The following SSH3 variants were observed in gnomAD, a reference collection of about 807,000 sequenced individuals.
SSH3 encodes protein phosphatase Slingshot homolog 3.
Under a neutral mutation model 75.0 loss-of-function variants are expected in SSH3, and 67 were observed. That is an observed-to-expected ratio of 0.89 (90% CI 0.73 to 1.10). SSH3 has a LOEUF of 1.10. SSH3 is among the 50% of genes least tolerant of loss of function. SSH3 has a pLI of 0.00. For synonymous variants in SSH3, 318 were observed against 349.2 expected (o/e 0.91, Z 1.00); for missense variants, 824 against 872.7 (o/e 0.94, Z 0.70).
chr11:67,303,897 G>A, intron 1 of SSH3: 1 of 758,182 alleles, frequency 1.3e-6, no homozygotes, highest in Non-Finnish European at 2.0e-6. Context: ...GGCTGCGGAG[G>A]CCCCGATCTG....
At position 67,308,038 on chromosome 11, in the gene SSH3, C is replaced by T; in HGVS notation, c.885+99C>T. 1.3e-6 allele frequency: 2 copies of T among 1,595,548 alleles called. No individual in the cohort carries two copies. The highest frequency in any genetic ancestry group is 1.7e-6 in the Non-Finnish European group (2 of 1,169,876). On this transcript the variant is annotated intron_variant, in intron 8 of 13. Coordinates refer to ENST00000308127, the MANE Select transcript of SSH3 (RefSeq NM_017857.4). This position sits in a 1 kb window ranked among gnomAD's most constrained non-coding sequence, Gnocchi z 4.9. ...ACCTTGCCTGTCTCCAGTCCTGAGC[C>T]ATTCCTGGATGCCTTGGCCTTGGCC... is the stretch of plus-strand genomic sequence containing the variant.
chr11:67,306,269 A>G (rs1861239537), intron 3 of SSH3, among the ~76,000 whole-genome samples: 1 of 150,636 alleles, frequency 6.6e-6, no homozygotes, highest in Non-Finnish European at 1.5e-5. Flanking sequence ...AGCCTGGGTG[A>G]CAGAGCAAGA....
chr11:67,304,652 CGT>C (rs1861179970), intron 2 of SSH3, 119 bp from the exon 3 acceptor site: 1 of 1,000,168 alleles, frequency 1.0e-6, no homozygotes, highest in African/African-American at 1.6e-5. Flanking sequence ...CTATCGACCG[CGT>C]GGGGGCCCAT....
In SSH3 at chr11:67,308,354, G is replaced by C. The variant is rs781413581; in HGVS notation, c.1014+52G>C. 6.2e-7 allele frequency: 1 copy of C among 1,613,596 alleles called. No homozygotes were observed. The highest frequency in any genetic ancestry group is 2.2e-5 in the East Asian group (1 of 44,856). On this transcript the variant is annotated intron_variant, in intron 9 of 13. Transcript: ENST00000308127. This position sits in a 1 kb window ranked among gnomAD's most constrained non-coding sequence, Gnocchi z 4.9. ...GGGGACCGCTGGCAGCTGTGAGGGC[G>C]GCAGGCCAGGAGCAGAGGCTGGAGG...
Position 67,308,962 on chromosome 11 carries a change from C to T in SSH3, c.1062-435C>T, listed in dbSNP as rs1397745441. 6.6e-6 allele frequency among the ~76,000 whole-genome samples: 1 copy of T among 152,102 alleles called. No individual in the cohort carries two copies. Among genetic ancestry groups the T allele is most frequent in the Non-Finnish European group, 1.5e-5 (1 of 68,014 alleles). On this transcript the variant is annotated intron_variant, in intron 10 of 13. Transcript: ENST00000308127. This position sits in a 1 kb window ranked among gnomAD's most constrained non-coding sequence, Gnocchi z 4.9. ...AGAAAAAGCCTTTTCTCCACCTTGC[C>T]CTGTCTCAGGGAAGAAGGAACTGCC...
Position 67,303,533 on chromosome 11 carries a change from C to G in SSH3, c.-93C>G. On this transcript the variant is annotated 5_prime_UTR_variant, in exon 1 of 14. Coordinates refer to ENST00000308127, the MANE Select transcript of SSH3 (RefSeq NM_017857.4). ...GGTGCCAGGCCCGGGTGGCGCCGTC[C>G]GTCCTTCCTGGTCCTGCGGGTCCAG... 7.7e-7 allele frequency: 1 copy of G among 1,306,026 alleles called. No homozygotes were observed. The highest frequency in any genetic ancestry group is 1.0e-6 in the Non-Finnish European group (1 of 967,562). The allele number at this position is 1,306,026 out of a possible 1,614,324, so 80.9% of individuals were successfully genotyped here.
chr11:67,305,042 G>C, intron 3 of SSH3, 35 bp downstream of exon 3: 1 of 1,574,034 alleles, frequency 6.4e-7, no homozygotes, highest in Non-Finnish European at 8.6e-7. Context: ...GGGGTGGGGG[G>C]AAGAGACACG....
Position 67,306,903 on chromosome 11 carries a change from A to G in SSH3, c.405A>G (p.Glu135=), listed in dbSNP as rs767296774. 1.9e-6 allele frequency: 3 copies of G among 1,613,720 alleles called. No individual in the cohort carries two copies. The Admixed American group carries it at 5.0e-5, about 27-fold the overall frequency. ...ACCTGCTGGTAGTTTCTACACGAGAAGGAGAAGGTCTGAGCCAGGATGAGA... is the reference window on the plus strand; with the variant it reads ...ACCTGCTGGTAGTTTCTACACGAGAGGGAGAAGGTCTGAGCCAGGATGAGA... ...LRYLLVVSTR[E]GEGLSQDETV... The change falls in exon 4 of 14, where the codon GAA becomes GAG. Residue 135 remains glutamate, a synonymous_variant. Transcript: ENST00000308127.
In SSH3 at chr11:67,304,933, CAGAAGCAGGAGG is replaced by C. The variant is rs767972468; in HGVS notation, c.268_279del (p.Lys90_Glu93del). 6.2e-6 allele frequency: 10 copies of C among 1,613,720 alleles called. No individual in the cohort carries two copies. The highest frequency in any genetic ancestry group is 8.5e-6 in the Non-Finnish European group (10 of 1,179,994). ...CTTCGGGCAAGGATCCCAGAGTCCC[CAGAAGCAGGAGG>C]AGCAGAGGCAGCACCTGCACCTCAT... On this transcript the variant is annotated inframe_deletion, in exon 3 of 14. Coordinates refer to ENST00000308127, the MANE Select transcript of SSH3 (RefSeq NM_017857.4).
chr11:67,309,234 G>A (rs530503424), intron 10 of SSH3, 163 bp from the exon 11 acceptor site: 74 of 833,516 alleles, frequency 8.9e-5, no homozygotes, highest in Non-Finnish European at 1.1e-4. Context: ...GTCTAAGGTC[G>A]CAGCCAGGTG....
intron 3 of SSH3, among the ~76,000 whole-genome samples, chr11:67,306,096 TG>T (rs1162892855): frequency 6.7e-6 from 1 of 149,384 alleles, no homozygotes; most frequent in Non-Finnish European, 1.5e-5. Context: ...GAGACCATCC[TG>T]GCTAACACGG....
intron 10 of SSH3, 86 bp from the exon 11 acceptor site, chr11:67,309,311 G>A: frequency 6.4e-7 from 1 of 1,555,100 alleles, no homozygotes; most frequent in Non-Finnish European, 8.8e-7. Flanking sequence ...CAGAGCTAAA[G>A]CGAGGCCCAG....
rs371316469 is a variant in SSH3 at position 67,306,691 on chromosome 11, C to T, written c.340-147C>T. The T allele has an allele frequency of 1.4e-4, 137 of 976,852 alleles. No homozygotes were observed. The African/African-American group carries it at 1.9e-3, about 14-fold the overall frequency. 60.5% of individuals were successfully genotyped at this position (976,852 alleles called of 1,614,324 possible). A position where few individuals can be genotyped will look rare whatever the true frequency, so the allele number is the denominator to read the frequency against. On this transcript the variant is annotated intron_variant, in intron 3 of 13. Transcript: ENST00000308127. ...CATTCCCCGCTTTTTTCCACACAGT[C>T]CCTCTTTACCCACTGATTTTACATC...
At position 67,307,063 on chromosome 11, in the gene SSH3, C is replaced by A. The variant is rs143637995; in HGVS notation, c.486C>A (p.Gly162=). The change falls in exon 5 of 14, where the codon GGC becomes GGA. Residue 162 remains glycine, a synonymous_variant. Coordinates refer to ENST00000308127, the MANE Select transcript of SSH3 (RefSeq NM_017857.4). The surrounding 1 kb of genome is among the most constrained non-coding windows in gnomAD (Gnocchi z 4.2). ...PDSSSPSCTL[G]LVLPLWSDTQ... is the part of the protein sequence containing the mutation. ...CCAGCTCCCCCAGCTGCACCCTGGG[C>A]CTGGTCTTGCCCCTCTGGAGTGACA... The A allele has an allele frequency of 5.6e-6, 9 of 1,614,004 alleles. No homozygotes were observed. The highest frequency in any genetic ancestry group is 7.6e-6 in the Non-Finnish European group (9 of 1,180,024).
At chr11:67,303,937 C>G (rs1158359499) in intron 1 of SSH3, 181 bp from the exon 2 acceptor site, 2 of 885,978 alleles carry the variant, frequency 2.3e-6, no homozygotes, top group African/African-American at 1.8e-5. Flanking sequence ...TCGGCGCCCA[C>G]CCAGCCGACC....
In SSH3 at chr11:67,304,636, CTA is replaced by C. The variant is rs369359859; in HGVS notation, c.105-136_105-135del. Reference sequence around the variant, plus strand: ...AAATGCAGATGCTCAGGCCTCCACTCTAGACCTATCGACCGCGTGGGGGCCCA... The same window carrying C: ...AAATGCAGATGCTCAGGCCTCCACTCGACCTATCGACCGCGTGGGGGCCCA... On this transcript the variant is annotated intron_variant, in intron 2 of 13. Coordinates refer to ENST00000308127, the MANE Select transcript of SSH3 (RefSeq NM_017857.4). 414 of 831,918 alleles carry C rather than the reference CTA, an allele frequency of 5.0e-4. 4 individuals carry two copies. The East Asian group carries it at 0.011, about 22-fold the overall frequency. 51.5% of individuals were successfully genotyped at this position (831,918 alleles called of 1,614,324 possible).
In SSH3 at chr11:67,306,924, T is replaced by A. The variant is rs1225041138; in HGVS notation, c.426T>A (p.Asp142Glu). 11 of 1,613,406 alleles carry A rather than the reference T, an allele frequency of 6.8e-6. No individual in the cohort carries two copies. The highest frequency in any genetic ancestry group is 1.3e-5 in the African/African-American group (1 of 74,880). The change falls in exon 4 of 14, where the codon GAT (aspartate) becomes GAA (glutamate). Residue 142 changes from aspartate (D) to glutamate (E), a missense_variant. Coordinates refer to ENST00000308127, the MANE Select transcript of SSH3 (RefSeq NM_017857.4). ...STREGEGLSQ[D>E]ETVLLGVDFP... ...GAGAAGGAGAAGGTCTGAGCCAGGA[T>A]GAGACGGTCCTCCTGGGCGTGGATT...
chr11:67,305,353 A>AT (rs1247948044), intron 3 of SSH3, among the ~76,000 whole-genome samples: 94 of 151,758 alleles, frequency 6.2e-4, no homozygotes, highest in African/African-American at 2.1e-3. Context: ...TGCCTGGCTA[A>AT]TTTTTTTTGT....
In SSH3 at chr11:67,304,099, G is replaced by A. The variant is rs759301387; in HGVS notation, c.67-19G>A. The A allele has an allele frequency of 1.3e-6, 2 of 1,582,440 alleles. No individual in the cohort carries two copies. The highest frequency in any genetic ancestry group is 2.3e-5 in the East Asian group (1 of 43,742). ...GCCCTCCCCGCCCTCACCCTGCCCT[G>A]GGGCTGCTCTCTCCGCAGGACCAGG... On this transcript the variant is annotated intron_variant, in intron 1 of 13. Coordinates refer to ENST00000308127, the MANE Select transcript of SSH3 (RefSeq NM_017857.4).
Sources: allele counts gnomAD v4.1 joint callset (sites outside exome capture counted in the v4.1 genomes callset), GRCh38; gene constraint gnomAD v4.1.1; non-coding constraint Gnocchi (gnomAD v3.1); transcripts MANE v1.5; gene names NCBI Gene and HGNC (gene_info 2026-07-23, HGNC 2026-07-21).